The following GALNT9 variants were observed in gnomAD, a reference collection of about 807,000 sequenced individuals.
GALNT9 encodes the protein GalNAc transferase 9.
A neutral mutation model predicts 63.1 loss-of-function variants in GALNT9; 47 were observed. That is an observed-to-expected ratio of 0.75 (90% confidence interval 0.59 to 0.95). The LOEUF (loss-of-function observed/expected upper bound fraction) is 0.95, where lower values mean the gene tolerates loss of function less well. Ranked by LOEUF, GALNT9 falls within the 40% of genes least tolerant of loss-of-function variation. GALNT9 has a pLI of 0.00. For synonymous variants in GALNT9, 396 were observed against 365.7 expected (o/e 1.08, Z -0.94); for missense variants, 829 against 874.8 (o/e 0.95, Z 0.66).
intron 6 of GALNT9, among the ~76,000 whole-genome samples, chr12:132,215,429 C>T (rs994583945): frequency 4.6e-5 from 7 of 152,216 alleles, no homozygotes; most frequent in African/African-American, 1.7e-4. Flanking sequence ...GGCCCTCGCT[C>T]TTGGTGAGGC....
At chr12:132,243,643 C>T (rs1326622369) in intron 6 of GALNT9, among the ~76,000 whole-genome samples, 1 of 152,200 alleles carries the variant, frequency 6.6e-6, no homozygotes, top group Non-Finnish European at 1.5e-5. Flanking sequence ...TTCTGCATAG[C>T]CCCCACTCTG....
In GALNT9 at chr12:132,238,073, G is replaced by A. The variant is rs1345652959; in HGVS notation, c.1077+9837C>T. 6.6e-6 allele frequency among the ~76,000 whole-genome samples: 1 copy of A among 152,220 alleles called. No homozygotes were observed. The highest frequency in any genetic ancestry group is 1.9e-4 in the East Asian group (1 of 5,198). ...CCAAGGTCAGGTGGAGGTCACGTGT[G>A]TTTCCTGTGGCTGCCGTCCGCCACG... On this transcript the variant is annotated intron_variant, in intron 6 of 10. Transcript: ENST00000328957. The surrounding 1 kb of genome is among the most constrained non-coding windows in gnomAD (Gnocchi z 6.5).
In GALNT9 at chr12:132,269,427, G is replaced by A. The variant is rs569178486; in HGVS notation, c.420-6802C>T. On this transcript the variant is annotated intron_variant, in intron 2 of 10. Coordinates refer to ENST00000328957, the MANE Select transcript of GALNT9 (RefSeq NM_001122636.2). ...GGGCAGGAGGTCAGCAGCGTCCTCC[G>A]GGCGGGAGCCACGGAGTCCCATTTG... Among the ~76,000 whole-genome samples the A allele has an allele frequency of 8.2e-3, 1,245 of 152,258 alleles. 24 individuals are homozygous for A. The highest frequency in any genetic ancestry group is 0.028 in the African/African-American group (1,168 of 41,554).
intron 6 of GALNT9, among the ~76,000 whole-genome samples, chr12:132,241,136 G>A (rs1307517473): frequency 1.8e-5 from 2 of 112,606 alleles, no homozygotes; most frequent in Non-Finnish European, 3.7e-5. Context: ...CCTTCCAGGG[G>A]CCCTCCCTAT....
At chr12:132,272,551 C>T (rs1378595443) in intron 2 of GALNT9, 2 of 152,194 alleles carry the variant, frequency 1.3e-5, no homozygotes, top group Non-Finnish European at 2.9e-5. Context: ...TTAATGTGCA[C>T]CTAACACCTG....
rs1869183011 is a variant in GALNT9 at position 132,329,111 on chromosome 12, C to T, written c.93G>A (p.Gln31=). 2 of 1,549,414 alleles carry T rather than the reference C, an allele frequency of 1.3e-6. No individual in the cohort carries two copies. Among genetic ancestry groups the T allele is most frequent in the South Asian group, 1.2e-5 (1 of 84,044 alleles). ...TGCGCACGAGCTCCTGGGAGCGGCC[C>T]TGCAGGCGGCAGTACACGGAGAACA... The part of the protein sequence containing the change: ...IVLFSVYCRL[Q]GRSQELVRIV... Residue 31 remains glutamine, a synonymous_variant, in exon 1 of 11, where the codon CAG becomes CAA. Coordinates refer to ENST00000328957, the MANE Select transcript of GALNT9 (RefSeq NM_001122636.2).
rs1051422472 is a variant in GALNT9, at chr12:132,246,732, C to A, written c.1077+1178G>T. 6.6e-6 allele frequency among the ~76,000 whole-genome samples: 1 copy of A among 152,124 alleles called. No homozygotes were observed. The highest frequency in any genetic ancestry group is 1.5e-5 in the Non-Finnish European group (1 of 68,022). On this transcript the variant is annotated intron_variant, in intron 6 of 10. Transcript: ENST00000328957. This position sits in a 1 kb window ranked among gnomAD's most constrained non-coding sequence, Gnocchi z 4.7. ...ATTTTTAGTAGAGGCAGGGTTTTACCATACTGGTCAGGCTGGTCTCGAACT... is the reference window on the plus strand; with the variant it reads ...ATTTTTAGTAGAGGCAGGGTTTTACAATACTGGTCAGGCTGGTCTCGAACT...
rs769662042 is a variant in GALNT9 at position 132,209,387 on chromosome 12, TAAA to T, written c.1078-5700_1078-5698del. On this transcript the variant is annotated intron_variant, in intron 6 of 10. Transcript: ENST00000328957. ...TAAAAAAAATAAATAAATAAATAAA[TAAA>T]AAATAAAAAATTAGCTGGGCATGGT... Among the ~76,000 whole-genome samples, 461 of 151,000 alleles carry T rather than the reference TAAA, an allele frequency of 3.1e-3. 2 individuals are homozygous for T. Among genetic ancestry groups the T allele is most frequent in the Non-Finnish European group, 3.9e-3 (263 of 67,910 alleles).
At position 132,286,241 on chromosome 12, in the gene GALNT9, C is replaced by T; in HGVS notation, c.419+9G>A. 6.5e-7 allele frequency: 1 copy of T among 1,547,286 alleles called. No individual in the cohort carries two copies. Among genetic ancestry groups the T allele is most frequent in the South Asian group, 1.2e-5 (1 of 83,746 alleles). The stretch of plus-strand genomic sequence containing the variant: ...GGCGTCGGGGGATGGGGGGCAGTCA[C>T]TCACTCACTTTCTGGGCCGGTAGTC... On this transcript the variant is annotated intron_variant, in intron 2 of 10. Transcript: ENST00000328957. The surrounding 1 kb of genome is among the most constrained non-coding windows in gnomAD (Gnocchi z 7.4).
chr12:132,217,390 C>A (rs1565990302), intron 6 of GALNT9, among the ~76,000 whole-genome samples: 1 of 150,660 alleles, frequency 6.6e-6, no homozygotes, highest in Non-Finnish European at 1.5e-5. Context: ...CCCACCTAGC[C>A]ACTATCTATC....
At chr12:132,243,486 C>T (rs1555237701) in intron 6 of GALNT9, among the ~76,000 whole-genome samples, 1 of 126,726 alleles carries the variant, frequency 7.9e-6, no homozygotes, top group African/African-American at 3.0e-5. Context: ...TCAGGGCATC[C>T]ACTCTTTGGG....
intron 6 of GALNT9, among the ~76,000 whole-genome samples, chr12:132,228,226 C>G (rs1877767316): frequency 6.6e-6 from 1 of 152,102 alleles, no homozygotes; most frequent in Non-Finnish European, 1.5e-5. Context: ...AAGGAGACAC[C>G]CCCGCGTCCC....
At chr12:132,303,153 G>A (rs577785672) in intron 1 of GALNT9, among the ~76,000 whole-genome samples, 2 of 152,116 alleles carry the variant, frequency 1.3e-5, no homozygotes, top group East Asian at 1.9e-4. Flanking sequence ...TCACCCCTGT[G>A]GCCTTCACCC....
In GALNT9 at chr12:132,315,285, C is replaced by T. The variant is rs118097931; in HGVS notation, c.238+13681G>A. Among the ~76,000 whole-genome samples the T allele has an allele frequency of 8.1e-6, 1 of 123,246 alleles. No individual in the cohort carries two copies. Among genetic ancestry groups the T allele is most frequent in the Admixed American group, 7.6e-5 (1 of 13,128 alleles). The allele number at this position is 123,246 out of a possible 152,430, so 80.9% of individuals were successfully genotyped here. ...TCCCCTGTGTCCACTGCAAAGTGCTCGAGCCTCAGAATATAATCAGGGCGG... is the reference window on the plus strand; with the variant it reads ...TCCCCTGTGTCCACTGCAAAGTGCTTGAGCCTCAGAATATAATCAGGGCGG... On this transcript the variant is annotated intron_variant, in intron 1 of 10. Transcript: ENST00000328957. This position sits in a 1 kb window ranked among gnomAD's most constrained non-coding sequence, Gnocchi z 6.1.
intron 8 of GALNT9, among the ~76,000 whole-genome samples, chr12:132,200,211 C>A (rs921071365): frequency 1.3e-5 from 2 of 152,210 alleles, no homozygotes; most frequent in African/African-American, 4.8e-5. Flanking sequence ...CCCCAGGGAC[C>A]CTTTTCCTTG....
intron 6 of GALNT9, among the ~76,000 whole-genome samples, chr12:132,209,989 T>C (rs551959511): frequency 3.3e-5 from 5 of 152,228 alleles, no homozygotes; most frequent in African/African-American, 4.8e-5. Flanking sequence ...AATTCTGCCT[T>C]GTACAAGATC....
intron 6 of GALNT9, among the ~76,000 whole-genome samples, chr12:132,215,988 A>G (rs979177409): frequency 3.3e-5 from 5 of 152,134 alleles, no homozygotes; most frequent in African/African-American, 7.2e-5. Flanking sequence ...CAGTGGCTGG[A>G]CGTGTGGAGG....
intron 1 of GALNT9, among the ~76,000 whole-genome samples, chr12:132,309,397 G>A (rs1555244964): frequency 6.6e-6 from 1 of 152,214 alleles, no homozygotes; most frequent in East Asian, 1.9e-4. Context: ...GCAGGATGGT[G>A]GGTTGAATGA....
chr12:132,260,854 C>T (rs782046502), intron 4 of GALNT9, 94 bp downstream of exon 4: 19 of 1,428,718 alleles, frequency 1.3e-5, no homozygotes, highest in Non-Finnish European at 1.7e-5. Context: ...CGGGGCCAAC[C>T]CAGCGGCCAG....
Sources: allele counts gnomAD v4.1 joint callset (sites outside exome capture counted in the v4.1 genomes callset), GRCh38; gene constraint gnomAD v4.1.1; non-coding constraint Gnocchi (gnomAD v3.1); transcripts MANE v1.5; gene names NCBI Gene and HGNC (gene_info 2026-07-23, HGNC 2026-07-21).